ARHGAP24: variants seen among roughly 807,000 people sequenced by gnomAD.
ARHGAP24 encodes the protein rho GTPase-activating protein 24.
ARHGAP24 carries 50 observed loss-of-function variants against 76.4 expected under a neutral mutation model. The ratio of observed to expected loss-of-function variants is 0.65; its 90% CI spans 0.52 to 0.83. The LOEUF (loss-of-function observed/expected upper bound fraction) is 0.83, where lower values mean the gene tolerates loss of function less well. Among genes scored for constraint, ARHGAP24 ranks in the 40% least tolerant of loss-of-function variants. The pLI is 0.00. For synonymous variants in ARHGAP24, 345 were observed against 323.3 expected (o/e 1.07, Z -0.72); for missense variants, 930 against 914.2 (o/e 1.02, Z -0.22).
chr4:85,755,067 A>G (rs543814800), intron 3 of ARHGAP24, among the ~76,000 whole-genome samples: 13 of 152,196 alleles, frequency 8.5e-5, no homozygotes, highest in Non-Finnish European at 1.2e-4. Flanking sequence ...TCTTTGTGTC[A>G]CAAACCCTAT....
At chr4:85,848,857 G>C (rs1303329009) in intron 3 of ARHGAP24, among the ~76,000 whole-genome samples, 2 of 152,160 alleles carry the variant, frequency 1.3e-5, no homozygotes, top group East Asian at 3.9e-4. Context: ...TAGCCTTGTA[G>C]TATAGTTTGA....
chr4:85,544,063 C>G (rs1378535552), intron 1 of ARHGAP24, among the ~76,000 whole-genome samples: 1 of 152,194 alleles, frequency 6.6e-6, no homozygotes, highest in African/African-American at 2.4e-5. Flanking sequence ...GTTCTCCTCC[C>G]ACTGCCAGCC....
chr4:85,879,110 C>T (rs1578336179), intron 3 of ARHGAP24, among the ~76,000 whole-genome samples: 1 of 152,304 alleles, frequency 6.6e-6, no homozygotes, highest in South Asian at 2.1e-4. Context: ...GTATATATTT[C>T]ACAGGAACAT....
intron 3 of ARHGAP24, among the ~76,000 whole-genome samples, chr4:85,856,080 G>GT (rs1731541696): frequency 6.6e-6 from 1 of 152,160 alleles, no homozygotes; most frequent in Non-Finnish European, 1.5e-5. Context: ...CCACCAGCAT[G>GT]TTTAAGATTT....
chr4:85,633,234 A>G (rs1269697037), intron 2 of ARHGAP24, among the ~76,000 whole-genome samples: 1 of 151,776 alleles, frequency 6.6e-6, no homozygotes, highest in Admixed American at 6.6e-5. Flanking sequence ...CCCTCTTGAT[A>G]TGTATCTTAT....
At chr4:85,740,368 G>T (rs1725774298) in intron 3 of ARHGAP24, among the ~76,000 whole-genome samples, 1 of 151,736 alleles carries the variant, frequency 6.6e-6, no homozygotes, top group African/African-American at 2.4e-5. Flanking sequence ...GATTATAGGT[G>T]CCCACCTCCA....
At chr4:85,795,316 A>G (rs1406404556) in intron 3 of ARHGAP24, among the ~76,000 whole-genome samples, 1 of 152,142 alleles carries the variant, frequency 6.6e-6, no homozygotes, top group Non-Finnish European at 1.5e-5. Context: ...TCTATTTTCT[A>G]TTCCCTTCCT....
chr4:85,894,820 G>C (rs567424996), intron 3 of ARHGAP24, among the ~76,000 whole-genome samples: 11 of 151,874 alleles, frequency 7.2e-5, no homozygotes, highest in Middle Eastern at 6.8e-3. Flanking sequence ...AATTAGCTGG[G>C]CGTGGAGTCA....
intron 1 of ARHGAP24, among the ~76,000 whole-genome samples, chr4:85,568,818 C>T (rs951217872): frequency 1.1e-4 from 16 of 152,226 alleles, no homozygotes; most frequent in South Asian, 8.3e-4. Flanking sequence ...GTCAAGTGAC[C>T]TCCTTGAAGT....
chr4:85,867,536 T>C (rs949203107), intron 3 of ARHGAP24, among the ~76,000 whole-genome samples: 2 of 152,120 alleles, frequency 1.3e-5, no homozygotes. Context: ...TTTTTATTTT[T>C]AGCTGGGACA....
chr4:85,663,496 T>C (rs1722488027), intron 2 of ARHGAP24, among the ~76,000 whole-genome samples: 1 of 149,662 alleles, frequency 6.7e-6, no homozygotes, highest in Admixed American at 6.7e-5. Context: ...ATTTCCTAAT[T>C]GAATACCCTT....
chr4:85,673,683 G>T (rs1415892182), intron 2 of ARHGAP24, among the ~76,000 whole-genome samples: 1 of 144,440 alleles, frequency 6.9e-6, no homozygotes, highest in Non-Finnish European at 1.5e-5. Flanking sequence ...TCTCCCCACT[G>T]GTAAAGTGAA....
Position 85,994,890 on chromosome 4 carries a change from G to A in ARHGAP24, c.1236G>A (p.Val412=), listed in dbSNP as rs115046205. ...AGAACAGTGTTCACAAGCTAGATGTGTCTAGAAGCCCCCCTCTCATGGTCA... is the reference window on the plus strand; with the variant it reads ...AGAACAGTGTTCACAAGCTAGATGTATCTAGAAGCCCCCCTCTCATGGTCA... ...SPKNSVHKLD[V]SRSPPLMVKK... Residue 412 remains valine (V), a synonymous_variant, in exon 9 of 10, where the codon GTG becomes GTA. Transcript: ENST00000395184. 6.2e-6 allele frequency: 10 copies of A among 1,614,110 alleles called. No individual in the cohort carries two copies. The African/African-American group carries it at 9.3e-5, about 15-fold the overall frequency.
intron 1 of ARHGAP24, among the ~76,000 whole-genome samples, chr4:85,509,453 A>T (rs191614534): frequency 6.6e-6 from 1 of 151,844 alleles, no homozygotes; most frequent in East Asian, 2.0e-4. Context: ...CTAGATTATA[A>T]AAAAAAGTTA....
chr4:85,940,181 A>G (rs1050374365), intron 4 of ARHGAP24, among the ~76,000 whole-genome samples: 3 of 152,134 alleles, frequency 2.0e-5, no homozygotes, highest in African/African-American at 7.2e-5. Context: ...TGTTTTGCTG[A>G]AGGAACAGAA....
At chr4:85,676,982 A>G (rs1218539385) in intron 2 of ARHGAP24, among the ~76,000 whole-genome samples, 2 of 152,200 alleles carry the variant, frequency 1.3e-5, no homozygotes, top group Admixed American at 1.3e-4. Flanking sequence ...TGAGGCTACC[A>G]GAAGGGAGGC....
At chr4:85,489,677 T>C (rs1294382191) in intron 1 of ARHGAP24, among the ~76,000 whole-genome samples, 1 of 152,156 alleles carries the variant, frequency 6.6e-6, no homozygotes, top group Non-Finnish European at 1.5e-5. Flanking sequence ...TCAGAAACAC[T>C]GGGTTATTTC....
intron 3 of ARHGAP24, among the ~76,000 whole-genome samples, chr4:85,730,879 T>G (rs1725373394): frequency 6.6e-6 from 1 of 151,982 alleles, no homozygotes; most frequent in Admixed American, 6.6e-5. Context: ...ACCATCAGTA[T>G]GAGAAATGTT....
In ARHGAP24 at chr4:85,792,742, T is replaced by C. The variant is rs569361180; in HGVS notation, c.268+70770T>C. Among the ~76,000 whole-genome samples, 11 of 152,322 alleles carry C rather than the reference T, an allele frequency of 7.2e-5. No homozygotes were observed. In the East Asian group the frequency reaches 2.1e-3, roughly 29 times the overall value. On this transcript the variant is annotated intron_variant, in intron 3 of 9. Coordinates refer to ENST00000395184, the MANE Select transcript of ARHGAP24 (RefSeq NM_001025616.3). ...ATCTGATCACAAAGATCCAGTATAG[T>C]TCCTGTTTTAGAAATCTGAGATCAT...
Sources: gnomAD v4.1 joint callset for allele counts (sites outside exome capture counted in the v4.1 genomes callset) on GRCh38, gnomAD v4.1.1 for gene constraint, MANE v1.5 for transcripts, NCBI Gene and HGNC (gene_info 2026-07-23, HGNC 2026-07-21) for gene names.